FTCDNL1: variants seen among roughly 807,000 people sequenced by gnomAD.
FTCDNL1 encodes the protein formiminotransferase cyclodeaminase N-terminal like.
Under a neutral mutation model 5.9 loss-of-function variants are expected in FTCDNL1, and 11 were observed. The ratio of observed to expected loss-of-function variants is 1.87; its 90% CI spans 1.18 to 3.10. The LOEUF (loss-of-function observed/expected upper bound fraction) is 3.10. Ranked by LOEUF, FTCDNL1 falls within the 30% of genes most tolerant of loss-of-function variation. FTCDNL1 has a pLI of 0.00. For synonymous variants in FTCDNL1, 58 were observed against 24.8 expected (o/e 2.34, Z -3.99); for missense variants, 115 against 65.5 (o/e 1.76, Z -2.61).
intron 3 of FTCDNL1, among the ~76,000 whole-genome samples, chr2:199,768,334 C>A (rs1246187205): frequency 6.6e-6 from 1 of 151,890 alleles, no homozygotes; most frequent in Non-Finnish European, 1.5e-5. Context: ...ACATATTCCC[C>A]CGTGAGTTAT....
At chr2:199,833,385 T>A (rs1166762213) in intron 3 of FTCDNL1, among the ~76,000 whole-genome samples, 1 of 152,210 alleles carries the variant, frequency 6.6e-6, no homozygotes, top group African/African-American at 2.4e-5. Flanking sequence ...TCTACACATA[T>A]ACACCCTGAG....
the FTCDNL1 span, among the ~76,000 whole-genome samples, chr2:199,708,625 C>T: frequency 1.3e-5 from 2 of 152,070 alleles, no homozygotes; most frequent in African/African-American, 4.8e-5. Context: ...GCCTTTTCTC[C>T]AGGGAAAATT....
At chr2:199,714,577 A>G in the FTCDNL1 span, among the ~76,000 whole-genome samples, 1 of 152,302 alleles carries the variant, frequency 6.6e-6, no homozygotes, top group Admixed American at 6.5e-5. Context: ...ATCATTGCCT[A>G]CGTGTAAATT....
intron 4 of FTCDNL1, 65 bp downstream of exon 4, chr2:199,819,507 A>T: frequency 1.5e-6 from 1 of 688,110 alleles, no homozygotes; most frequent in South Asian, 1.5e-5. Flanking sequence ...GGTGTGGCTC[A>T]TAAAGGGGAC....
the FTCDNL1 span, among the ~76,000 whole-genome samples, chr2:199,726,833 C>T: frequency 6.8e-4 from 104 of 152,282 alleles, no homozygotes; most frequent in African/African-American, 1.9e-3. Flanking sequence ...GGTGGGAACA[C>T]TCCTGTATAA....
rs144253594 is a variant in FTCDNL1 at position 199,819,155 on chromosome 2, T to C, written c.397+417A>G. On this transcript the variant is annotated intron_variant, in intron 4 of 4. Transcript: ENST00000420128. ...ACTTGGCTACACTGATGTTTAAGTATTGAAAGACCTTCCTACCAGCTAGAA... is the reference window on the plus strand; with the variant it reads ...ACTTGGCTACACTGATGTTTAAGTACTGAAAGACCTTCCTACCAGCTAGAA... 2.5e-3 allele frequency: 394 copies of C among 160,510 alleles called. 5 individuals are homozygous for C. Among genetic ancestry groups the C allele is most frequent in the African/African-American group, 8.9e-3 (372 of 41,718 alleles). 9.9% of individuals were successfully genotyped at this position (160,510 alleles called of 1,614,324 possible). A position where few individuals can be genotyped will look rare whatever the true frequency, so the allele number is the denominator to read the frequency against.
At chr2:199,842,882 C>T (rs1424058513) in intron 3 of FTCDNL1, among the ~76,000 whole-genome samples, 4 of 149,052 alleles carry the variant, frequency 2.7e-5, no homozygotes, top group Non-Finnish European at 5.9e-5. Context: ...CTAAGAACAG[C>T]GGGATCCTAG....
chr2:199,735,116 A>G, the FTCDNL1 span, among the ~76,000 whole-genome samples: 5 of 63,980 alleles, frequency 7.8e-5, no homozygotes, highest in East Asian at 3.0e-4. Flanking sequence ...CTACCTTTAG[A>G]AAAAAAAAAA....
chr2:199,827,033 A>T (rs568170045), intron 3 of FTCDNL1, among the ~76,000 whole-genome samples: 4 of 152,360 alleles, frequency 2.6e-5, no homozygotes, highest in Non-Finnish European at 4.4e-5. Flanking sequence ...TAGGAACTTC[A>T]CAACATCAAA....
chr2:199,839,161 TAA>T (rs575967741), intron 3 of FTCDNL1, among the ~76,000 whole-genome samples: 2 of 146,942 alleles, frequency 1.4e-5, no homozygotes, highest in African/African-American at 2.5e-5. Flanking sequence ...GGAAAGCCTT[TAA>T]AAAAAAAAAT....
chr2:199,758,421 G>A (rs1698143571), downstream of FTCDNL1, among the ~76,000 whole-genome samples: 1 of 151,054 alleles, frequency 6.6e-6, no homozygotes, highest in African/African-American at 2.4e-5. Flanking sequence ...ACTCATTAGT[G>A]GTCAGGGAAA....
the FTCDNL1 span, among the ~76,000 whole-genome samples, chr2:199,664,722 T>C: frequency 6.6e-6 from 1 of 152,214 alleles, no homozygotes; most frequent in Admixed American, 6.5e-5. Context: ...ACAAAACTAA[T>C]TAATGGCGGA....
chr2:199,776,276 T>C (rs1699065958), intron 3 of FTCDNL1, among the ~76,000 whole-genome samples: 1 of 152,206 alleles, frequency 6.6e-6, no homozygotes, highest in Non-Finnish European at 1.5e-5. Context: ...ATATCTGTCA[T>C]ATAATGAGAA....
chr2:199,842,276 T>TA (rs894565602), intron 3 of FTCDNL1, among the ~76,000 whole-genome samples: 4 of 151,452 alleles, frequency 2.6e-5, no homozygotes, highest in Non-Finnish European at 5.9e-5. Flanking sequence ...TCAAAAAATT[T>TA]AAAAAAAATA....
At chr2:199,688,230 C>CAAAAA in the FTCDNL1 span, among the ~76,000 whole-genome samples, 24 of 120,206 alleles carry the variant, frequency 2.0e-4, no homozygotes, top group South Asian at 8.4e-4. Context: ...GACTCTGTCT[C>CAAAAA]AAAAAAAAAA....
chr2:199,775,811 T>C (rs572763489), intron 3 of FTCDNL1, among the ~76,000 whole-genome samples: 3 of 152,308 alleles, frequency 2.0e-5, no homozygotes, highest in Admixed American at 6.5e-5. Context: ...CTTGCATATG[T>C]TTCTTCATTT....
At chr2:199,846,831 T>C (rs1372938532) in intron 2 of FTCDNL1, among the ~76,000 whole-genome samples, 1 of 152,200 alleles carries the variant, frequency 6.6e-6, no homozygotes, top group Non-Finnish European at 1.5e-5. Context: ...AGAGTTATTT[T>C]TGAAGTTTAC....
chr2:199,700,859 C>T, the FTCDNL1 span, among the ~76,000 whole-genome samples: 2 of 152,186 alleles, frequency 1.3e-5, no homozygotes, highest in South Asian at 4.2e-4. Flanking sequence ...AACTGGAACC[C>T]TTCCTTTCAC....
intron 3 of FTCDNL1, among the ~76,000 whole-genome samples, chr2:199,772,961 T>C (rs1246406092): frequency 6.6e-6 from 1 of 152,234 alleles, no homozygotes; most frequent in Non-Finnish European, 1.5e-5. Flanking sequence ...AGCTACTACC[T>C]GGTTGAGTTG....
Sources: gnomAD v4.1 joint callset for allele counts (sites outside exome capture counted in the v4.1 genomes callset) on GRCh38, gnomAD v4.1.1 for gene constraint, MANE v1.5 for transcripts, NCBI Gene and HGNC (gene_info 2026-07-23, HGNC 2026-07-21) for gene names.